NRCAM: variants seen among roughly 807,000 people sequenced by gnomAD.
NRCAM encodes neuronal cell adhesion molecule.
Under a neutral mutation model 156.5 loss-of-function variants are expected in NRCAM, and 83 were observed. The observed-to-expected ratio is 0.53, with a 90% CI of 0.44 to 0.64. The LOEUF is 0.64. NRCAM is among the 30% of genes least tolerant of loss of function. NRCAM has a pLI of 0.00. For synonymous variants in NRCAM, 538 were observed against 563.9 expected, an observed-to-expected ratio of 0.95 and a Z score of 0.65; for missense variants, 1,417 against 1,597.3, an observed-to-expected ratio of 0.89 and a Z score of 1.92.
chr7:108,360,372 A>G (rs990800481), intron 2 of NRCAM, among the ~76,000 whole-genome samples: 4 of 152,230 alleles, frequency 2.6e-5, no homozygotes, highest in Admixed American at 2.0e-4. Context: ...AAAAAGAGGC[A>G]CAGGTACATT....
chr7:108,388,407 T>A (rs971533891), intron 2 of NRCAM, among the ~76,000 whole-genome samples: 1 of 152,170 alleles, frequency 6.6e-6, no homozygotes, highest in Non-Finnish European at 1.5e-5. Context: ...GATGAGGTTG[T>A]TTGATTTTTT....
intron 3 of NRCAM, among the ~76,000 whole-genome samples, chr7:108,301,472 C>T (rs1457737352): frequency 1.3e-5 from 2 of 152,202 alleles, no homozygotes. Context: ...TTAGCACCAA[C>T]AAGGCGTGAC....
intron 2 of NRCAM, among the ~76,000 whole-genome samples, chr7:108,316,454 C>T (rs1018175346): frequency 1.3e-5 from 2 of 152,074 alleles, no homozygotes; most frequent in African/African-American, 4.8e-5. Context: ...TGGTATACTT[C>T]ATGGTTTCAT....
chr7:108,184,222 T>G lies in NRCAM; in HGVS notation c.2304+19A>C. ...CACTCTAAAAAATAGCGAATAAATT[T>G]GAAGGCATCATAGCTCACCTTCCAC... On this transcript the variant is annotated intron_variant, in intron 22 of 32. Transcript: ENST00000379028. 1.3e-6 allele frequency: 2 copies of G among 1,597,348 alleles called. No homozygotes were observed. The highest frequency in any genetic ancestry group is 1.7e-5 in the Admixed American group (1 of 59,822).
At chr7:108,329,656 T>TA in intron 2 of NRCAM, among the ~76,000 whole-genome samples, 1 of 152,314 alleles carries the variant, frequency 6.6e-6, no homozygotes, top group Middle Eastern at 3.4e-3. Flanking sequence ...CAGCAATTCT[T>TA]AAAGACCTGC....
chr7:108,435,034 G>GA (rs11392385), intron 1 of NRCAM, among the ~76,000 whole-genome samples: 145,336 of 149,230 alleles, frequency 0.97, 70,788 homozygotes, highest in East Asian at 1. Flanking sequence ...TACATGGTAG[G>GA]AAAAAAAAAA....
intron 32 of NRCAM, among the ~76,000 whole-genome samples, chr7:108,154,255 T>C (rs1236400064): frequency 6.6e-6 from 1 of 152,170 alleles, no homozygotes; most frequent in Non-Finnish European, 1.5e-5. Context: ...GTCTTGAAAC[T>C]GGTGGAAGAT....
chr7:108,384,022 G>T (rs1354424453), intron 2 of NRCAM, among the ~76,000 whole-genome samples: 2 of 152,076 alleles, frequency 1.3e-5, no homozygotes, highest in Non-Finnish European at 2.9e-5. Context: ...ATAGCCTCCA[G>T]CTCTTATAAG....
intron 20 of NRCAM, among the ~76,000 whole-genome samples, chr7:108,187,926 G>A (rs2068160914): frequency 6.6e-6 from 1 of 152,084 alleles, no homozygotes; most frequent in Non-Finnish European, 1.5e-5. Context: ...CTGCACTCCA[G>A]CCTGGGCAAC....
chr7:108,301,289 C>A (rs577920760), intron 3 of NRCAM, among the ~76,000 whole-genome samples: 23 of 152,252 alleles, frequency 1.5e-4, no homozygotes, highest in Admixed American at 7.8e-4. Context: ...ATCTGCCAGT[C>A]AGATTCAGAA....
At chr7:108,366,197 T>C (rs1356532836) in intron 2 of NRCAM, among the ~76,000 whole-genome samples, 1 of 152,228 alleles carries the variant, frequency 6.6e-6, no homozygotes, top group African/African-American at 2.4e-5. Context: ...AATAAATTTC[T>C]GTTCTTTATA....
chr7:108,323,894 C>A (rs1011171633), intron 2 of NRCAM, among the ~76,000 whole-genome samples: 9 of 152,084 alleles, frequency 5.9e-5, no homozygotes, highest in African/African-American at 2.2e-4. Flanking sequence ...GTGAGAGCCA[C>A]TGCGAAAGGG....
chr7:108,225,494 T>C, intron 10 of NRCAM, 151 bp downstream of exon 10: 2 of 668,414 alleles, frequency 3.0e-6, no homozygotes, highest in Non-Finnish European at 2.7e-6. Flanking sequence ...TATAGGTAAA[T>C]TTCATAAGAA....
chr7:108,224,916 A>G (rs1413844610), intron 10 of NRCAM, among the ~76,000 whole-genome samples: 2 of 152,162 alleles, frequency 1.3e-5, no homozygotes, highest in African/African-American at 4.8e-5. Flanking sequence ...TGAGACCTTA[A>G]TGTCTTTTAC....
At chr7:108,229,812 T>C (rs953327581) in intron 8 of NRCAM, among the ~76,000 whole-genome samples, 3 of 152,144 alleles carry the variant, frequency 2.0e-5, no homozygotes, top group African/African-American at 7.2e-5. Flanking sequence ...GGTAACACGC[T>C]GACCTATTGG....
intron 32 of NRCAM, among the ~76,000 whole-genome samples, chr7:108,153,709 T>C (rs556938078): frequency 8.6e-4 from 131 of 152,100 alleles, no homozygotes; most frequent in Non-Finnish European, 1.6e-3. Flanking sequence ...TACAGGTAAA[T>C]GTTAGAATAT....
intron 3 of NRCAM, among the ~76,000 whole-genome samples, chr7:108,273,989 T>C (rs557840368): frequency 4.6e-5 from 7 of 152,354 alleles, no homozygotes; most frequent in African/African-American, 1.7e-4. Context: ...CACCATTTAT[T>C]AAATAGGGAA....
At chr7:108,360,398 G>T (rs923809358) in intron 2 of NRCAM, among the ~76,000 whole-genome samples, 9 of 152,138 alleles carry the variant, frequency 5.9e-5, no homozygotes, top group African/African-American at 2.2e-4. Flanking sequence ...GAAGGAGCAG[G>T]AATAAATACA....
chr7:108,303,908 T>C (rs1356287412), intron 3 of NRCAM, among the ~76,000 whole-genome samples: 3 of 152,222 alleles, frequency 2.0e-5, no homozygotes, highest in Non-Finnish European at 4.4e-5. Context: ...TATTTTCATA[T>C]TTTTGTACTA....
Sources: allele counts gnomAD v4.1 joint callset (sites outside exome capture counted in the v4.1 genomes callset), GRCh38; gene constraint gnomAD v4.1.1; transcripts MANE v1.5; gene names NCBI Gene and HGNC (gene_info 2026-07-23, HGNC 2026-07-21).